Variants in NAV3 observed in about 807,000 individuals in gnomAD.
The protein encoded by NAV3 is pore membrane and/or filament interacting like protein 1.
A neutral mutation model predicts 244.7 loss-of-function variants in NAV3; 87 were observed. The observed-to-expected ratio is 0.36, with a 90% confidence interval of 0.30 to 0.42. NAV3 has a LOEUF of 0.42. Among genes scored for constraint, NAV3 ranks in the 20% least tolerant of loss-of-function variants. The pLI is 1.00. For missense variants in NAV3, 2,663 were observed against 2,893.3 expected (o/e 0.92, Z 1.83); for synonymous variants, 1,126 against 1,042.2 (o/e 1.08, Z -1.55).
rs115992878 is a variant in NAV3 at position 78,075,877 on chromosome 12, T to A, written c.2636+16762T>A. ...AAAACAATGCACTCTCAGTCCTATA[T>A]AATTCAGGGTTCAAATCCAGTGGGA... On this transcript the variant is annotated intron_variant, in intron 12 of 39. Transcript: ENST00000397909. Among the ~76,000 whole-genome samples the A allele has an allele frequency of 4.3e-3, 656 of 152,278 alleles. 4 individuals are homozygous for A. The highest frequency in any genetic ancestry group is 0.015 in the African/African-American group (628 of 41,552).
rs150416876 is a variant in NAV3, at chr12:78,031,094, G to T, written c.2023+9232G>T. 1.1e-3 allele frequency among the ~76,000 whole-genome samples: 173 copies of T among 152,276 alleles called. 1 individual carries two copies. Among genetic ancestry groups the T allele is most frequent in the African/African-American group, 4.0e-3 (168 of 41,568 alleles). On this transcript the variant is annotated intron_variant, in intron 9 of 39. Coordinates refer to ENST00000397909, the MANE Select transcript of NAV3 (RefSeq NM_001024383.2). ...AGTGGCCTTCATGATACAGAATTCT[G>T]AGGAAGTTAGTCTTGCCAGGGTAAG...
At chr12:77,588,564 T>A (rs1869752429) in intron 2 of NAV3, among the ~76,000 whole-genome samples, 1 of 152,208 alleles carries the variant, frequency 6.6e-6, no homozygotes, top group South Asian at 2.1e-4. Flanking sequence ...TGGATACCTT[T>A]TGTTTCTAAT....
intron 3 of NAV3, among the ~76,000 whole-genome samples, chr12:77,960,159 G>A (rs1192130426): frequency 6.6e-6 from 1 of 151,934 alleles, no homozygotes; most frequent in Admixed American, 6.6e-5. Flanking sequence ...TATATCAGAG[G>A]AGAGGCTTAG....
intron 12 of NAV3, among the ~76,000 whole-genome samples, chr12:78,091,018 A>G (rs1953904431): frequency 6.6e-6 from 1 of 151,318 alleles, no homozygotes; most frequent in South Asian, 2.1e-4. Flanking sequence ...CCAAACAGAT[A>G]TAATTTTTAG....
At chr12:78,015,812 G>C (rs2369945) in intron 8 of NAV3, among the ~76,000 whole-genome samples, 109 of 152,160 alleles carry the variant, frequency 7.2e-4, no homozygotes, top group Non-Finnish European at 1.2e-3. Flanking sequence ...AATAATTAAT[G>C]ACAACTGGTT....
At chr12:77,873,744 G>GTGTATATATATATATA (rs776225440) in intron 1 of NAV3, among the ~76,000 whole-genome samples, 34 of 73,174 alleles carry the variant, frequency 4.6e-4, no homozygotes, top group South Asian at 3.3e-3. Context: ...ATGTGTGTGT[G>GTGTATATATATATATA]TATATATATA....
Position 78,188,748 on chromosome 12 carries a change from A to G in NAV3, c.6026A>G (p.Asp2009Gly), listed in dbSNP as rs1258822048. 6.2e-7 allele frequency: 1 copy of G among 1,612,058 alleles called. No individual in the cohort carries two copies. The highest frequency in any genetic ancestry group is 1.3e-5 in the African/African-American group (1 of 74,918). The change falls in exon 33 of 40, where the codon GAT (aspartate) becomes GGT (glycine). Residue 2009 changes from aspartate to glycine, a missense_variant. Asp to Gly is a moderately conservative substitution (Grantham distance 94). Coordinates refer to ENST00000397909, the MANE Select transcript of NAV3 (RefSeq NM_001024383.2). The stretch of plus-strand genomic sequence containing the variant: ...CTGCCTTGTGGATACCTTGTTGGAG[A>G]TAATAACATCATCACTGTGAACCTC... ...ELLPCGYLVGDNNIITVNLKG... is the reference protein window; with the variant it reads ...ELLPCGYLVGGNNIITVNLKG...
At position 77,584,853 on chromosome 12, in the gene NAV3, CA is replaced by C. The variant is rs571156203; in HGVS notation, c.72+12594del. Among the ~76,000 whole-genome samples, 653 of 152,090 alleles carry C rather than the reference CA, an allele frequency of 4.3e-3. 6 individuals carry two copies. Among genetic ancestry groups the C allele is most frequent in the African/African-American group, 0.015 (605 of 41,510 alleles). On this transcript the variant is annotated intron_variant, in intron 2 of 8. Transcript: ENST00000550042. ...ACATTTAGTATTTGATTTCCCCCCT[CA>C]AAAAAATGTAGGGTAAAAGGATTGT...
chr12:78,191,720 G>T (rs977759365), intron 34 of NAV3, among the ~76,000 whole-genome samples: 4 of 152,068 alleles, frequency 2.6e-5, no homozygotes, highest in African/African-American at 7.2e-5. Context: ...CATGTTTAAT[G>T]CTTCCTGTGA....
intron 3 of NAV3, among the ~76,000 whole-genome samples, chr12:77,960,721 A>C (rs141341286): frequency 6.8e-6 from 1 of 147,590 alleles, no homozygotes; most frequent in African/African-American, 2.5e-5. Context: ...TATATTATAT[A>C]TCATACACAT....
chr12:77,922,215 C>G (rs1045840700), intron 1 of NAV3, among the ~76,000 whole-genome samples: 16 of 152,038 alleles, frequency 1.1e-4, no homozygotes, highest in African/African-American at 3.9e-4. Flanking sequence ...GGTATGGTTC[C>G]CTGCCTCTGT....
At chr12:77,580,261 C>A (rs866629547) in intron 2 of NAV3, among the ~76,000 whole-genome samples, 1 of 142,040 alleles carries the variant, frequency 7.0e-6, no homozygotes, top group African/African-American at 2.7e-5. Flanking sequence ...CACACACACA[C>A]AAAGATGGAA....
intron 2 of NAV3, among the ~76,000 whole-genome samples, chr12:77,659,553 G>T (rs188170128): frequency 0.081 from 12,289 of 152,108 alleles, 1,119 homozygotes; most frequent in African/African-American, 0.22. Flanking sequence ...TCAGTGTGGC[G>T]ATTCCTCAGG....
intron 12 of NAV3, among the ~76,000 whole-genome samples, chr12:78,074,120 C>G (rs1264057491): frequency 6.6e-6 from 1 of 151,922 alleles, no homozygotes; most frequent in African/African-American, 2.4e-5. Context: ...TTTAGCAGGC[C>G]CACAAAAGCA....
chr12:78,054,763 G>A (rs1341329173), intron 11 of NAV3, among the ~76,000 whole-genome samples: 2 of 152,090 alleles, frequency 1.3e-5, no homozygotes, highest in Non-Finnish European at 2.9e-5. Context: ...CACAGGAGAT[G>A]GAAAATAGTA....
intron 2 of NAV3, among the ~76,000 whole-genome samples, chr12:77,611,336 G>T (rs1870905046): frequency 6.6e-6 from 1 of 151,846 alleles, no homozygotes; most frequent in South Asian, 2.1e-4. Flanking sequence ...TAGTTGCAAG[G>T]CCTAGATTTT....
intron 2 of NAV3, among the ~76,000 whole-genome samples, chr12:77,606,138 T>C (rs1323530735): frequency 6.6e-6 from 1 of 152,162 alleles, no homozygotes; most frequent in Non-Finnish European, 1.5e-5. Context: ...AGAGTTAATA[T>C]TTTGTGTTTT....
chr12:77,942,647 G>C (rs1425897059), intron 3 of NAV3, among the ~76,000 whole-genome samples: 1 of 152,118 alleles, frequency 6.6e-6, no homozygotes, highest in African/African-American at 2.4e-5. Context: ...CCTTGATACA[G>C]TAATAAGCTG....
At chr12:77,867,760 C>T (rs758781227) in intron 1 of NAV3, among the ~76,000 whole-genome samples, 3 of 152,098 alleles carry the variant, frequency 2.0e-5, no homozygotes, top group Admixed American at 2.0e-4. Flanking sequence ...CAGACTAATA[C>T]AGTAGTATAG....
Sources: gnomAD v4.1 joint callset for allele counts (sites outside exome capture counted in the v4.1 genomes callset) on GRCh38, gnomAD v4.1.1 for gene constraint, MANE v1.5 for transcripts, NCBI Gene and HGNC (gene_info 2026-07-23, HGNC 2026-07-21) for gene names.